The following NEGR1 variants were observed in gnomAD, a reference collection of about 807,000 sequenced individuals.
NEGR1 encodes neuronal growth regulator 1.
A neutral mutation model predicts 40.9 loss-of-function variants in NEGR1; 10 were observed. That is an observed-to-expected ratio of 0.24 (90% CI 0.15 to 0.42). The LOEUF (loss-of-function observed/expected upper bound fraction) is 0.42. NEGR1 is among the 10% of genes least tolerant of loss of function. The probability of loss-of-function intolerance (pLI) is 1.00; values close to 1 mark genes in which losing one functional copy is unlikely to be tolerated. For synonymous variants in NEGR1, 185 were observed against 166.8 expected (o/e 1.11, Z -0.84); for missense variants, 352 against 438.9 (o/e 0.80, Z 1.77).
intron 5 of NEGR1, among the ~76,000 whole-genome samples, chr1:71,601,748 T>TAAAAAATGGGTACACATGGACA: frequency 6.6e-6 from 1 of 152,136 alleles, no homozygotes; most frequent in East Asian, 1.9e-4. Context: ...AAGTGGGAGT[T>TAAAAAATGGGTACACATGGACA]AAAAAATGGG....
At chr1:72,250,570 G>A (rs1268946251) in intron 1 of NEGR1, among the ~76,000 whole-genome samples, 2 of 152,082 alleles carry the variant, frequency 1.3e-5, no homozygotes, top group Non-Finnish European at 2.9e-5. Flanking sequence ...ACTTTCATTT[G>A]CCACTGTGGC....
At chr1:71,802,149 G>T (rs535829094) in intron 2 of NEGR1, among the ~76,000 whole-genome samples, 45 of 152,160 alleles carry the variant, frequency 3.0e-4, no homozygotes, top group African/African-American at 9.6e-4. Flanking sequence ...GTGCAGCTTG[G>T]GTTTTCCTTA....
At position 72,224,055 on chromosome 1, in the gene NEGR1, C is replaced by T. The variant is rs1006008251; in HGVS notation, c.176+58264G>A. On this transcript the variant is annotated intron_variant, in intron 1 of 6. Transcript: ENST00000357731. ...AATTCATTATGCTGATAAGTGACAA[C>T]ATCACAGTTGCATGACAATTGCTTT... 7.9e-5 allele frequency among the ~76,000 whole-genome samples: 12 copies of T among 152,198 alleles called. No individual in the cohort carries two copies. The South Asian group carries it at 1.0e-3, about 13-fold the overall frequency.
intron 1 of NEGR1, among the ~76,000 whole-genome samples, chr1:72,096,435 CTTTG>C (rs945420576): frequency 4.6e-4 from 70 of 152,004 alleles, no homozygotes; most frequent in African/African-American, 4.6e-4. Context: ...CAAATTTTAT[CTTTG>C]TTTGGTTTTT....
chr1:71,738,355 C>G, intron 3 of NEGR1: 1 of 225,362 alleles, frequency 4.4e-6, no homozygotes, highest in South Asian at 8.6e-5. Flanking sequence ...TCCCCAGTGA[C>G]AACTGCAAAT....
rs558981773 is a variant in NEGR1 at position 71,546,852 on chromosome 1, G to A, written c.940+45965C>T. On this transcript the variant is annotated intron_variant, in intron 6 of 6. Coordinates refer to ENST00000357731, the MANE Select transcript of NEGR1 (RefSeq NM_173808.3). Reference sequence around the variant, plus strand: ...GCAGGACTTGAGGAACAAGAACAATGTAGGTTAAGACCTGCATTATCTACT... The same window carrying A: ...GCAGGACTTGAGGAACAAGAACAATATAGGTTAAGACCTGCATTATCTACT... Among the ~76,000 whole-genome samples, 10 of 151,772 alleles carry A rather than the reference G, an allele frequency of 6.6e-5. 1 individual carries two copies. Among genetic ancestry groups the A allele is most frequent in the African/African-American group, 2.4e-4 (10 of 41,482 alleles).
chr1:71,445,074 A>G (rs539276314), intron 6 of NEGR1, among the ~76,000 whole-genome samples: 13 of 152,240 alleles, frequency 8.5e-5, no homozygotes, highest in African/African-American at 3.1e-4. Context: ...TACAGACAAA[A>G]TAACTTCTAC....
intron 1 of NEGR1, among the ~76,000 whole-genome samples, chr1:72,031,716 T>C (rs1646860412): frequency 6.6e-6 from 1 of 151,974 alleles, no homozygotes; most frequent in African/African-American, 2.4e-5. Context: ...AGTACTTGCA[T>C]GGGGTTACAT....
intron 1 of NEGR1, among the ~76,000 whole-genome samples, chr1:72,163,743 T>TAGAC (rs1651672922): frequency 1.9e-5 from 2 of 107,580 alleles, no homozygotes; most frequent in African/African-American, 7.4e-5. Flanking sequence ...GATAGATAGA[T>TAGAC]AGATAGATAG....
chr1:72,123,472 T>TG (rs1194226218), intron 1 of NEGR1, among the ~76,000 whole-genome samples: 2 of 151,714 alleles, frequency 1.3e-5, no homozygotes, highest in Non-Finnish European at 3.0e-5. Context: ...CAACTACAGG[T>TG]GGTCATTCAT....
At chr1:71,897,238 T>G (rs1161942780) in intron 2 of NEGR1, among the ~76,000 whole-genome samples, 1 of 152,148 alleles carries the variant, frequency 6.6e-6, no homozygotes, top group Non-Finnish European at 1.5e-5. Context: ...TGACAGAACA[T>G]CAGATTCTCT....
chr1:72,115,186 G>A (rs902536408), intron 1 of NEGR1, among the ~76,000 whole-genome samples: 7 of 148,750 alleles, frequency 4.7e-5, no homozygotes, highest in African/African-American at 7.3e-5. Context: ...TGAAAAATGC[G>A]TTAATTGTGG....
At chr1:72,183,644 A>G (rs904487721) in intron 1 of NEGR1, among the ~76,000 whole-genome samples, 1 of 152,098 alleles carries the variant, frequency 6.6e-6, no homozygotes, top group African/African-American at 2.4e-5. Context: ...ATCTAATGCC[A>G]GGTGTTGAGG....
chr1:71,602,156 T>C lies in NEGR1; in HGVS notation c.788+8870A>G, dbSNP rs146952810. Among the ~76,000 whole-genome samples, 1,177 of 151,490 alleles carry C rather than the reference T, an allele frequency of 7.8e-3. 25 individuals are homozygous for C. Among genetic ancestry groups the C allele is most frequent in the African/African-American group, 0.027 (1,130 of 41,354 alleles). On this transcript the variant is annotated intron_variant, in intron 5 of 6. Transcript: ENST00000357731. The stretch of plus-strand genomic sequence containing the variant: ...AACTCCTGTTATACCTGATTTCATA[T>C]CCTGCACACCAAGACATTTAAAAAC...
At chr1:72,205,756 CAAAAAAAAA>C (rs35490878) in intron 1 of NEGR1, among the ~76,000 whole-genome samples, 4 of 30,892 alleles carry the variant, frequency 1.3e-4, no homozygotes, top group South Asian at 1.6e-3. Context: ...CCCATTTCTA[CAAAAAAAAA>C]AAAAAAAAAA....
At chr1:72,251,177 C>T (rs1029335198) in intron 1 of NEGR1, among the ~76,000 whole-genome samples, 1 of 152,156 alleles carries the variant, frequency 6.6e-6, no homozygotes, top group African/African-American at 2.4e-5. Context: ...AAAAAGTAGA[C>T]TATGACATAG....
In NEGR1 at chr1:72,023,662, T is replaced by G. The variant is rs550613625; in HGVS notation, c.177-88351A>C. 2.4e-5 allele frequency among the ~76,000 whole-genome samples: 3 copies of G among 125,170 alleles called. No homozygotes were observed. The East Asian group carries it at 6.2e-4, about 26-fold the overall frequency. 82.1% of individuals were successfully genotyped at this position (125,170 alleles called of 152,430 possible). ...TAAAACATTTTAGTAAAAAAAAAAC[T>G]TAACAAATAACACAAGAACAATAAT... On this transcript the variant is annotated intron_variant, in intron 1 of 6. Coordinates refer to ENST00000357731, the MANE Select transcript of NEGR1 (RefSeq NM_173808.3).
chr1:71,901,706 T>A (rs1319570184), intron 2 of NEGR1, among the ~76,000 whole-genome samples: 1 of 148,412 alleles, frequency 6.7e-6, no homozygotes, highest in Non-Finnish European at 1.5e-5. Context: ...AGTCTCACTC[T>A]GTCACCCAGG....
At chr1:71,897,647 T>C (rs1261089956) in intron 2 of NEGR1, among the ~76,000 whole-genome samples, 5 of 152,238 alleles carry the variant, frequency 3.3e-5, no homozygotes, top group Non-Finnish European at 7.3e-5. Flanking sequence ...ATGAATTTAC[T>C]GCCTAGTGTG....
Sources: allele counts gnomAD v4.1 joint callset (sites outside exome capture counted in the v4.1 genomes callset), GRCh38; gene constraint gnomAD v4.1.1; transcripts MANE v1.5; gene names NCBI Gene and HGNC (gene_info 2026-07-23, HGNC 2026-07-21).